MCTP2: variants seen among roughly 807,000 people sequenced by gnomAD.
MCTP2 encodes multiple C2 and transmembrane domain-containing protein 2.
A neutral mutation model predicts 111.6 loss-of-function variants in MCTP2; 132 were observed. The observed-to-expected ratio is 1.18, with a 90% CI of 1.03 to 1.37. The LOEUF is 1.37. Among genes scored for constraint, MCTP2 ranks in the 40% most tolerant of loss-of-function variants. The pLI, the probability that MCTP2 is intolerant of heterozygous loss-of-function variation, is 0.00. For synonymous variants in MCTP2, 395 were observed against 387.7 expected (o/e 1.02, Z -0.22); for missense variants, 1,183 against 1,067.9 (o/e 1.11, Z -1.50).
intron 17 of MCTP2, among the ~76,000 whole-genome samples, chr15:94,421,092 G>A (rs2082607696): frequency 7.4e-6 from 1 of 134,290 alleles, no homozygotes; most frequent in Non-Finnish European, 1.6e-5. Flanking sequence ...TCGGATGATA[G>A]TATTTTTTTT....
At chr15:94,380,201 C>T (rs939809323) in intron 12 of MCTP2, among the ~76,000 whole-genome samples, 1 of 152,006 alleles carries the variant, frequency 6.6e-6, no homozygotes, top group African/African-American at 2.4e-5. Context: ...TGCATCAGGA[C>T]CCTTAAGTGA....
rs540040548 is a variant in MCTP2 at position 94,289,658 on chromosome 15, T to C, written c.-65-8543T>C. 2.0e-5 allele frequency among the ~76,000 whole-genome samples: 3 copies of C among 152,346 alleles called. No homozygotes were observed. The East Asian group carries it at 5.8e-4, about 29-fold the overall frequency. On this transcript the variant is annotated intron_variant, in intron 1 of 22. Coordinates refer to ENST00000357742, the MANE Select transcript of MCTP2 (RefSeq NM_001385001.1). ...TTGAAATCAAAAGTTAAACATGGTC[T>C]GATACAAATTTTCACTGTATTTAGA...
At chr15:94,242,185 T>C (rs1316068177) in intron 1 of MCTP2, among the ~76,000 whole-genome samples, 1 of 152,100 alleles carries the variant, frequency 6.6e-6, no homozygotes, top group Admixed American at 6.6e-5. Context: ...GGGGAAAGAC[T>C]GGGTTTTGAA....
chr15:94,368,622 A>G (rs2079323855), intron 11 of MCTP2, among the ~76,000 whole-genome samples: 2 of 152,206 alleles, frequency 1.3e-5, no homozygotes. Context: ...CTTCGGGAGT[A>G]CAAGACCTAG....
At chr15:94,440,430 T>C (rs1303149296) in intron 18 of MCTP2, 132 bp downstream of exon 18, 3 of 1,060,480 alleles carry the variant, frequency 2.8e-6, no homozygotes, top group Middle Eastern at 2.2e-4. Flanking sequence ...AAGGCACTCA[T>C]TTTGCAGTGG....
chr15:94,273,888 C>T (rs1007086268), intron 1 of MCTP2: 6 of 235,808 alleles, frequency 2.5e-5, no homozygotes, highest in African/African-American at 9.2e-5. Context: ...GTGGCTCTCA[C>T]CAGGCCAAAA....
intron 19 of MCTP2, among the ~76,000 whole-genome samples, chr15:94,449,497 T>C (rs1405212201): frequency 1.3e-5 from 2 of 152,220 alleles, no homozygotes; most frequent in Non-Finnish European, 2.9e-5. Context: ...TATTGGTTCA[T>C]TTTTCTGCAT....
chr15:94,427,622 G>A (rs933726722), intron 17 of MCTP2, among the ~76,000 whole-genome samples: 5 of 152,096 alleles, frequency 3.3e-5, no homozygotes, highest in Admixed American at 6.5e-5. Context: ...CCCCTCCCCC[G>A]ACACGTGGGG....
chr15:94,474,287 C>G (rs528806770), intron 21 of MCTP2, among the ~76,000 whole-genome samples: 2 of 152,242 alleles, frequency 1.3e-5, no homozygotes, highest in African/African-American at 4.8e-5. Context: ...CTTCCTTTGT[C>G]TCCTTAGCTT....
At chr15:94,233,485 T>C (rs914586551) in intron 1 of MCTP2, among the ~76,000 whole-genome samples, 3 of 152,202 alleles carry the variant, frequency 2.0e-5, no homozygotes, top group African/African-American at 7.2e-5. Flanking sequence ...GGTGAGTTTC[T>C]CAGCTGAGTG....
intron 1 of MCTP2, among the ~76,000 whole-genome samples, chr15:94,254,237 T>G (rs1461375980): frequency 4.6e-5 from 7 of 152,198 alleles, no homozygotes; most frequent in African/African-American, 7.2e-5. Context: ...TATTATACAG[T>G]GTCTCTTCAG....
intron 4 of MCTP2, among the ~76,000 whole-genome samples, chr15:94,328,061 G>C (rs903795808): frequency 6.6e-6 from 1 of 151,832 alleles, no homozygotes; most frequent in Non-Finnish European, 1.5e-5. Context: ...ATTAAATGTA[G>C]CATGTCTTCT....
intron 18 of MCTP2, among the ~76,000 whole-genome samples, chr15:94,440,815 A>T (rs947665291): frequency 7.9e-5 from 12 of 152,296 alleles, no homozygotes; most frequent in African/African-American, 2.9e-4. Context: ...GCAGGTGCCC[A>T]CATTTGTCTG....
At chr15:94,423,177 C>T (rs2082708537) in intron 17 of MCTP2, among the ~76,000 whole-genome samples, 1 of 152,114 alleles carries the variant, frequency 6.6e-6, no homozygotes, top group Non-Finnish European at 1.5e-5. Context: ...TCGATTATAC[C>T]TCTGTCCTTT....
chr15:94,457,987 G>T (rs1043862493), intron 19 of MCTP2, 150 bp from the exon 20 acceptor site: 13 of 554,520 alleles, frequency 2.3e-5, no homozygotes, highest in East Asian at 1.8e-4. Flanking sequence ...TCTGGGGGGG[G>T]AGTCAATATT....
chr15:94,343,760 A>G (rs938620523), intron 7 of MCTP2: 1 of 152,200 alleles, frequency 6.6e-6, no homozygotes, highest in African/African-American at 2.4e-5. Context: ...ATTTCCTCAT[A>G]TGTGAAACAA....
In MCTP2 at chr15:94,257,602, T is replaced by G. The variant is rs1474616495; in HGVS notation, c.-66+25938T>G. On this transcript the variant is annotated intron_variant, in intron 1 of 22. Coordinates refer to ENST00000357742, the MANE Select transcript of MCTP2 (RefSeq NM_001385001.1). ...TTTTTTTTTTTTTTTTTTTTTTTTT[T>G]TTGAGACGGAGTCTTGCTCTGTCAC... Among the ~76,000 whole-genome samples the G allele has an allele frequency of 1.4e-3, 175 of 124,430 alleles. 1 individual carries two copies. The highest frequency in any genetic ancestry group is 5.0e-3 in the African/African-American group (164 of 32,870). 81.6% of individuals were successfully genotyped at this position (124,430 alleles called of 152,430 possible).
intron 1 of MCTP2, among the ~76,000 whole-genome samples, chr15:94,272,694 C>T (rs1220526326): frequency 6.6e-6 from 1 of 151,372 alleles, no homozygotes; most frequent in African/African-American, 2.4e-5. Flanking sequence ...TTTGGCTTTT[C>T]GGTTTTGGGT....
chr15:94,310,366 G>C (rs924612365), intron 2 of MCTP2, among the ~76,000 whole-genome samples: 1 of 152,144 alleles, frequency 6.6e-6, no homozygotes, highest in African/African-American at 2.4e-5. Context: ...ATTTTTTTGG[G>C]TGGTAGAACT....
Sources: allele counts gnomAD v4.1 joint callset (sites outside exome capture counted in the v4.1 genomes callset), GRCh38; gene constraint gnomAD v4.1.1; transcripts MANE v1.5; gene names NCBI Gene and HGNC (gene_info 2026-07-23, HGNC 2026-07-21).